UBE4A: variants seen among roughly 807,000 people sequenced by gnomAD.
The protein encoded by UBE4A is ubiquitin conjugation factor E4 A.
UBE4A carries 48 observed loss-of-function variants against 117.9 expected under a neutral mutation model. The ratio of observed to expected loss-of-function variants is 0.41; its 90% confidence interval spans 0.32 to 0.52. UBE4A has a LOEUF of 0.52. Among genes scored for constraint, UBE4A ranks in the 20% least tolerant of loss-of-function variants. The pLI is 0.33. For synonymous variants in UBE4A, 407 were observed against 450.0 expected, an observed-to-expected ratio of 0.90 and a Z score of 1.21; for missense variants, 1,067 against 1,296.3, an observed-to-expected ratio of 0.82 and a Z score of 2.72.
chr11:118,393,021 G>A, intron 19 of UBE4A, 126 bp downstream of exon 19: 1 of 978,210 alleles, frequency 1.0e-6, no homozygotes, highest in Non-Finnish European at 1.5e-6. Context: ...TTACTGATAT[G>A]TTGGAAGACA....
intron 15 of UBE4A, among the ~76,000 whole-genome samples, chr11:118,385,200 C>T (rs1948745251): frequency 6.6e-6 from 1 of 152,042 alleles, no homozygotes; most frequent in Non-Finnish European, 1.5e-5. Context: ...TCAAAAATAC[C>T]ATATGGTGAA....
At chr11:118,373,785 A>C in intron 8 of UBE4A, 100 bp downstream of exon 8, 1 of 1,376,822 alleles carries the variant, frequency 7.3e-7, no homozygotes. Context: ...TGGGAAAGCA[A>C]ATTGATCTAG....
At chr11:118,386,763 A>G in intron 16 of UBE4A, 151 bp downstream of exon 16, 1 of 920,046 alleles carries the variant, frequency 1.1e-6, no homozygotes. Flanking sequence ...AGAAGCTTCA[A>G]AAAGAATGAT....
Position 118,371,620 on chromosome 11 carries a change from A to C in UBE4A, c.515A>C (p.His172Pro). 6.2e-7 allele frequency: 1 copy of C among 1,613,810 alleles called. No individual in the cohort carries two copies. The highest frequency in any genetic ancestry group is 1.1e-5 in the South Asian group (1 of 91,086). ...GCTGATCGAGATGCAGGAGAGAGGC[A>C]CATTTTTTGTTACCTTTACTCCTGC... The part of the protein sequence containing the change: ...LSADRDAGER[H>P]IFCYLYSCFQ... Residue 172 changes from histidine (H) to proline (P), a missense_variant, in exon 5 of 20, where the codon CAC becomes CCC. Coordinates refer to ENST00000252108, the MANE Select transcript of UBE4A (RefSeq NM_001204077.2).
chr11:118,372,351 C>T (rs1170315706), intron 5 of UBE4A, among the ~76,000 whole-genome samples, 156 bp from the exon 6 acceptor site: 1 of 152,178 alleles, frequency 6.6e-6, no homozygotes, highest in Non-Finnish European at 1.5e-5. Flanking sequence ...TTTAAATAGG[C>T]AGATAGATGA....
At chr11:118,376,728 T>C in intron 10 of UBE4A, 34 bp downstream of exon 10, 1 of 1,607,038 alleles carries the variant, frequency 6.2e-7, no homozygotes, top group Non-Finnish European at 8.5e-7. Flanking sequence ...AAAAAACAGT[T>C]TAGTTGTGTT....
intron 4 of UBE4A, among the ~76,000 whole-genome samples, chr11:118,371,148 G>A (rs544442217): frequency 6.6e-6 from 1 of 152,322 alleles, no homozygotes; most frequent in African/African-American, 2.4e-5. Flanking sequence ...ACAGCTTGCA[G>A]TTTAACTTCA....
chr11:118,393,571 T>C (rs1948839786), intron 19 of UBE4A, among the ~76,000 whole-genome samples: 1 of 151,870 alleles, frequency 6.6e-6, no homozygotes, highest in South Asian at 2.1e-4. Context: ...AGTACTGGGA[T>C]TACGGGTGTG....
chr11:118,382,629 T>C lies in UBE4A; in HGVS notation c.2050T>C (p.Leu684=), dbSNP rs1948715550. 2 of 1,588,254 alleles carry C rather than the reference T, an allele frequency of 1.3e-6. No individual in the cohort carries two copies. Among genetic ancestry groups the C allele is most frequent in the Admixed American group, 3.5e-5 (2 of 57,910 alleles). Residue 684 remains leucine (L), a synonymous_variant, in exon 13 of 20, where the codon TTG becomes CTG. Coordinates refer to ENST00000252108, the MANE Select transcript of UBE4A (RefSeq NM_001204077.2). ...CCTGAGGGCCAAACTAGCAGAGGTG[T>C]TGGAAGCAGTGATGCCCCACCTGGA... The part of the protein sequence containing the change: ...PHLRAKLAEV[L]EAVMPHLDQT...
At chr11:118,382,487 TA>T in intron 12 of UBE4A, 101 bp from the exon 13 acceptor site, 2 of 1,005,890 alleles carry the variant, frequency 2.0e-6, no homozygotes, top group South Asian at 3.9e-5. Flanking sequence ...TTTTTTCCTG[TA>T]ATATGGTTTA....
intron 18 of UBE4A, among the ~76,000 whole-genome samples, chr11:118,391,718 C>T (rs1255066394): frequency 6.0e-5 from 9 of 150,624 alleles, no homozygotes; most frequent in African/African-American, 2.2e-4. Flanking sequence ...GGCGTGAACC[C>T]AGGAAGCAGA....
intron 11 of UBE4A, 149 bp from the exon 12 acceptor site, chr11:118,381,242 T>G: frequency 1.1e-6 from 1 of 897,590 alleles, no homozygotes; most frequent in East Asian, 2.6e-5. Context: ...GATTTTACAT[T>G]TATTGACTTA....
rs1452772597 is a variant in UBE4A at position 118,379,838 on chromosome 11, T to A, written c.1876+88T>A. On this transcript the variant is annotated intron_variant, in intron 11 of 19. Coordinates refer to ENST00000252108, the MANE Select transcript of UBE4A (RefSeq NM_001204077.2). The stretch of plus-strand genomic sequence containing the variant: ...TGGAAGTTTAATCCTCAAAATACCC[T>A]TTCTTCGTTATCATTCAGTTGTTTT... 2.8e-6 allele frequency: 4 copies of A among 1,406,690 alleles called. No individual in the cohort carries two copies. The East Asian group carries it at 9.5e-5, about 33-fold the overall frequency. 87.1% of individuals were successfully genotyped at this position (1,406,690 alleles called of 1,614,324 possible). A position where few individuals can be genotyped will look rare whatever the true frequency, so the allele number is the denominator to read the frequency against.
intron 4 of UBE4A, among the ~76,000 whole-genome samples, chr11:118,370,174 C>G (rs748556913): frequency 6.6e-6 from 1 of 152,164 alleles, no homozygotes; most frequent in Non-Finnish European, 1.5e-5. Flanking sequence ...TAATCAGCCT[C>G]TGAATCTCTT....
chr11:118,394,260 AC>A (rs1948847700), intron 19 of UBE4A, among the ~76,000 whole-genome samples: 1 of 151,918 alleles, frequency 6.6e-6, no homozygotes, highest in Non-Finnish European at 1.5e-5. Context: ...GGCTCAAGCA[AC>A]CCTCCCATCT....
At chr11:118,379,118 T>G (rs914149420) in intron 10 of UBE4A, among the ~76,000 whole-genome samples, 2 of 152,346 alleles carry the variant, frequency 1.3e-5, no homozygotes, top group East Asian at 1.9e-4. Context: ...CCTGCTGGCC[T>G]TCTTGTACTT....
intron 4 of UBE4A, 93 bp downstream of exon 4, chr11:118,369,628 A>G (rs1217234673): frequency 2.4e-6 from 2 of 820,108 alleles, no homozygotes; most frequent in East Asian, 5.3e-5. Flanking sequence ...GCTTGTGTCC[A>G]TATGTCCATC....
intron 9 of UBE4A, among the ~76,000 whole-genome samples, chr11:118,375,866 G>T (rs1555125296): frequency 6.6e-6 from 1 of 152,154 alleles, no homozygotes; most frequent in Admixed American, 6.5e-5. Flanking sequence ...TTATAATATG[G>T]TATAGGGCTA....
In UBE4A at chr11:118,375,150, C is replaced by G; in HGVS notation, c.1371C>G (p.Leu457=). Residue 457 remains leucine, a synonymous_variant, in exon 9 of 20, where the codon CTC becomes CTG. Coordinates refer to ENST00000252108, the MANE Select transcript of UBE4A (RefSeq NM_001204077.2). ...QPFCKPRSSR[L]LTFNPTYCAL... ...TTTGCAAACCCAGATCCTCTCGGCT[C>G]CTCACCTTTAATCCCACATACTGTG... The G allele has an allele frequency of 1.2e-6, 2 of 1,614,172 alleles. No individual in the cohort carries two copies. Among genetic ancestry groups the G allele is most frequent in the Non-Finnish European group, 1.7e-6 (2 of 1,180,028 alleles).
Sources: allele counts gnomAD v4.1 joint callset (sites outside exome capture counted in the v4.1 genomes callset), GRCh38; gene constraint gnomAD v4.1.1; transcripts MANE v1.5; gene names NCBI Gene and HGNC (gene_info 2026-07-23, HGNC 2026-07-21).